RNF24: variants seen among roughly 807,000 people sequenced by gnomAD.
RNF24 encodes ring finger protein 24.
In RNF24, 14 loss-of-function variants were observed where a neutral mutation model predicts 20.0. The ratio of observed to expected loss-of-function variants is 0.70; its 90% CI spans 0.46 to 1.10. The LOEUF (loss-of-function observed/expected upper bound fraction) is 1.10. RNF24 is among the 50% of genes least tolerant of loss of function. RNF24 has a pLI of 0.00. For missense variants in RNF24, 124 were observed against 177.6 expected (o/e 0.70, Z 1.71); for synonymous variants, 45 against 61.1 (o/e 0.74, Z 1.23).
intron 3 of RNF24, among the ~76,000 whole-genome samples, chr20:3,947,202 CA>C: frequency 6.6e-6 from 1 of 152,052 alleles, no homozygotes. Context: ...CAAAAACAAA[CA>C]AAAACAAGAT....
chr20:3,971,314 C>T (rs1231288506), intron 1 of RNF24, among the ~76,000 whole-genome samples: 1 of 152,122 alleles, frequency 6.6e-6, no homozygotes, highest in Non-Finnish European at 1.5e-5. Flanking sequence ...GACAGCCTCA[C>T]ATGAAGGAAA....
chr20:3,986,707 G>A (rs896762770), intron 1 of RNF24, among the ~76,000 whole-genome samples: 41 of 150,674 alleles, frequency 2.7e-4, no homozygotes, highest in Non-Finnish European at 2.9e-5. Context: ...GAGTGCAGTG[G>A]CACAATCTAG....
chr20:3,948,296 A>C lies in RNF24; in HGVS notation c.144-17T>G. On this transcript the variant is annotated splice_polypyrimidine_tract_variant and intron_variant, in intron 2 of 5. Transcript: ENST00000358395. ...TGTCTTAGCCTAAAAGACAGAAATT[A>C]GTAATGCAATATTGAGATTTCCAAC... 1 of 1,549,512 alleles carries C rather than the reference A, an allele frequency of 6.5e-7. No individual in the cohort carries two copies. Among genetic ancestry groups the C allele is most frequent in the African/African-American group, 1.4e-5 (1 of 72,270 alleles).
At chr20:3,960,665 TCAAAA>T (rs746040533) in intron 2 of RNF24, among the ~76,000 whole-genome samples, 27 of 152,186 alleles carry the variant, frequency 1.8e-4, no homozygotes, top group African/African-American at 4.8e-4. Flanking sequence ...AGACTCTATC[TCAAAA>T]CAAAACAAAA....
At chr20:3,976,192 G>C (rs1417373539) in intron 1 of RNF24, among the ~76,000 whole-genome samples, 1 of 152,058 alleles carries the variant, frequency 6.6e-6, no homozygotes, top group Non-Finnish European at 1.5e-5. Flanking sequence ...GCAGCCCTAG[G>C]AAACAATTCA....
intron 2 of RNF24, among the ~76,000 whole-genome samples, chr20:3,958,003 CTCTT>C (rs2091161716): frequency 6.6e-6 from 1 of 152,156 alleles, no homozygotes; most frequent in Non-Finnish European, 1.5e-5. Flanking sequence ...CCTTGCCACT[CTCTT>C]TAAGTGTTAC....
chr20:4,006,980 C>T (rs972652565), intron 1 of RNF24, among the ~76,000 whole-genome samples: 9 of 152,226 alleles, frequency 5.9e-5, no homozygotes, highest in Admixed American at 1.3e-4. Flanking sequence ...ATCTGGCATT[C>T]TTTTAGAACC....
intron 1 of RNF24, among the ~76,000 whole-genome samples, chr20:3,965,733 C>A (rs1457114241): frequency 6.6e-6 from 1 of 152,188 alleles, no homozygotes; most frequent in Non-Finnish European, 1.5e-5. Context: ...CAGGGCCTCA[C>A]TTGATGACCC....
rs200006051 is a variant in RNF24 at position 3,934,240 on chromosome 20, T to A, written c.309-39A>T. On this transcript the variant is annotated intron_variant, in intron 5 of 5. Coordinates refer to ENST00000358395, the MANE Select transcript of RNF24 (RefSeq NM_001134337.3). This position sits in a 1 kb window ranked among gnomAD's most constrained non-coding sequence, Gnocchi z 4.0. The stretch of plus-strand genomic sequence containing the variant: ...CACCACAGGGGGAAGATGTCAGTCC[T>A]ATGCTCATGGCACGGCTGTTCTGCT... 6.3e-7 allele frequency: 1 copy of A among 1,587,824 alleles called. No individual in the cohort carries two copies. The highest frequency in any genetic ancestry group is 1.4e-5 in the African/African-American group (1 of 73,146).
chr20:4,002,259 G>A (rs918167250), intron 1 of RNF24, among the ~76,000 whole-genome samples: 2 of 152,120 alleles, frequency 1.3e-5, no homozygotes, highest in African/African-American at 4.8e-5. Context: ...GGTGGTGGGC[G>A]CCTGTAGTCC....
At chr20:3,996,033 T>C (rs754056637) in intron 1 of RNF24, among the ~76,000 whole-genome samples, 4 of 152,214 alleles carry the variant, frequency 2.6e-5, no homozygotes, top group Non-Finnish European at 4.4e-5. Context: ...TTGAAGACTA[T>C]ACAAGTTTGT....
chr20:4,013,530 G>T (rs960667900), intron 1 of RNF24, among the ~76,000 whole-genome samples: 4 of 152,122 alleles, frequency 2.6e-5, no homozygotes, highest in African/African-American at 7.2e-5. Flanking sequence ...GCCCAGGCTG[G>T]AATGCAATGG....
At chr20:3,983,819 T>C (rs1480841662) in intron 1 of RNF24, among the ~76,000 whole-genome samples, 2 of 151,422 alleles carry the variant, frequency 1.3e-5, no homozygotes, top group Non-Finnish European at 2.9e-5. Flanking sequence ...TGTGCACCTG[T>C]AGTCCCAACT....
intron 1 of RNF24, among the ~76,000 whole-genome samples, chr20:3,995,000 C>T (rs1980745917): frequency 6.6e-6 from 1 of 152,196 alleles, no homozygotes; most frequent in Non-Finnish European, 1.5e-5. Flanking sequence ...AAAACAATGT[C>T]ACTGATAGTT....
At chr20:4,011,321 T>A (rs914330328) in intron 1 of RNF24, among the ~76,000 whole-genome samples, 2 of 152,192 alleles carry the variant, frequency 1.3e-5, no homozygotes, top group Non-Finnish European at 2.9e-5. Flanking sequence ...AACTTCTGAA[T>A]TCAGGAAGGA....
chr20:3,933,222 C>A lies in RNF24; in HGVS notation c.*841G>T. Reference sequence around the variant, plus strand: ...TCAAAAAGCCACTGCTCTTTGGAGCCACTCGAGAGGTTCACAGTGGCTCCC... The same window carrying A: ...TCAAAAAGCCACTGCTCTTTGGAGCAACTCGAGAGGTTCACAGTGGCTCCC... On this transcript the variant is annotated 3_prime_UTR_variant, in exon 6 of 6. Transcript: ENST00000358395. The A allele has an allele frequency of 2.5e-6, 1 of 398,498 alleles. No homozygotes were observed. The highest frequency in any genetic ancestry group is 1.3e-4 in the South Asian group (1 of 7,808). The allele number at this position is 398,498 out of a possible 1,614,324, so 24.7% of individuals were successfully genotyped here.
At chr20:4,003,352 A>C (rs556854328) in intron 1 of RNF24, among the ~76,000 whole-genome samples, 30 of 152,312 alleles carry the variant, frequency 2.0e-4, no homozygotes, top group African/African-American at 6.3e-4. Context: ...TTAACTTTTA[A>C]TATGCAACAT....
chr20:3,934,369 C>G lies in RNF24; in HGVS notation c.309-168G>C, dbSNP rs2090864787. Among the ~76,000 whole-genome samples the G allele has an allele frequency of 6.6e-6, 1 of 152,152 alleles. No individual in the cohort carries two copies. The highest frequency in any genetic ancestry group is 2.4e-5 in the African/African-American group (1 of 41,432). ...TCACCCCCTGGAGAGAGGGAAGAGA[C>G]AGAGAGAAGGAGTGGGGAGAGGCCA... On this transcript the variant is annotated intron_variant, in intron 5 of 5. Transcript: ENST00000358395. This position sits in a 1 kb window ranked among gnomAD's most constrained non-coding sequence, Gnocchi z 4.0.
chr20:3,972,969 G>A (rs1374416940), intron 1 of RNF24, among the ~76,000 whole-genome samples: 1 of 151,876 alleles, frequency 6.6e-6, no homozygotes, highest in Non-Finnish European at 1.5e-5. Flanking sequence ...TTGGGAGGCC[G>A]AGGCGGGTGG....
Sources: allele counts gnomAD v4.1 joint callset (sites outside exome capture counted in the v4.1 genomes callset), GRCh38; gene constraint gnomAD v4.1.1; non-coding constraint Gnocchi (gnomAD v3.1); transcripts MANE v1.5; gene names NCBI Gene and HGNC (gene_info 2026-07-23, HGNC 2026-07-21).